The following BEND7 variants were observed in gnomAD, a reference collection of about 807,000 sequenced individuals.
The protein encoded by BEND7 is BEN domain-containing protein 7.
BEND7 carries 28 observed loss-of-function variants against 50.9 expected under a neutral mutation model. The ratio of observed to expected loss-of-function variants is 0.55; its 90% CI spans 0.41 to 0.75. The LOEUF (loss-of-function observed/expected upper bound fraction) is 0.75. BEND7 is among the 30% of genes least tolerant of loss of function. The pLI is 0.00. For synonymous variants in BEND7, 170 were observed against 183.9 expected, an observed-to-expected ratio of 0.92 and a Z score of 0.61; for missense variants, 477 against 491.3, an observed-to-expected ratio of 0.97 and a Z score of 0.28.
intron 6 of BEND7, among the ~76,000 whole-genome samples, chr10:13,478,694 G>A (rs1014865902): frequency 3.3e-5 from 5 of 151,792 alleles, no homozygotes; most frequent in Non-Finnish European, 4.4e-5. Flanking sequence ...TTGTAATCAG[G>A]AAAAAAATCA....
intron 1 of BEND7, 141 bp downstream of exon 1, chr10:13,528,327 GGCCCT>G (rs1564433091): frequency 2.7e-5 from 5 of 185,586 alleles, no homozygotes; most frequent in Non-Finnish European, 5.0e-5. Context: ...GTGCGGCCGC[GGCCCT>G]GCCTGCCAGC....
In BEND7 at chr10:13,517,246, AT is replaced by A. The variant is rs34167765; in HGVS notation, c.145+8891del. 7.7e-3 allele frequency among the ~76,000 whole-genome samples: 1,138 copies of A among 147,006 alleles called. 8 individuals carry two copies. Among genetic ancestry groups the A allele is most frequent in the Middle Eastern group, 0.031 (9 of 288 alleles). On this transcript the variant is annotated intron_variant, in intron 2 of 8. Coordinates refer to ENST00000466271, the MANE Select transcript of BEND7 (RefSeq NM_001369863.1). ...GCTAATTTTTGTATTTTTTTGTAGA[AT>A]TTTTTTTTTTGCAGAAGAGTGGTAA...
upstream of BEND7, among the ~76,000 whole-genome samples, chr10:13,529,254 T>TCCGCTCGCAGACC (rs1480924688): frequency 3.3e-5 from 5 of 149,580 alleles, no homozygotes; most frequent in Admixed American, 2.7e-4. Context: ...CGCCCGGGCC[T>TCCGCTCGCAGACC]CCGCTCGCAG....
chr10:13,469,257 A>G (rs1588761247), intron 6 of BEND7, among the ~76,000 whole-genome samples: 1 of 152,204 alleles, frequency 6.6e-6, no homozygotes, highest in Non-Finnish European at 1.5e-5. Context: ...AACCAAGAGC[A>G]GGATGCAAGA....
At chr10:13,491,135 A>T (rs2076626509) in intron 5 of BEND7, among the ~76,000 whole-genome samples, 1 of 152,060 alleles carries the variant, frequency 6.6e-6, no homozygotes, top group African/African-American at 2.4e-5. Flanking sequence ...TTATTCTTCC[A>T]AGACAATCAA....
At chr10:13,525,405 T>A (rs1368199826) in intron 2 of BEND7, among the ~76,000 whole-genome samples, 2 of 152,188 alleles carry the variant, frequency 1.3e-5, no homozygotes, top group African/African-American at 4.8e-5. Flanking sequence ...CTACACTTGC[T>A]GGAAAGTCTC....
chr10:13,504,653 G>A (rs1018250461), intron 2 of BEND7, among the ~76,000 whole-genome samples: 1 of 152,216 alleles, frequency 6.6e-6, no homozygotes, highest in Non-Finnish European at 1.5e-5. Flanking sequence ...GCTCTCTAGC[G>A]AGACAGGATG....
In BEND7 at chr10:13,518,563, G is replaced by A. The variant is rs775253309; in HGVS notation, c.145+7575C>T. ...TTTCTAAAGCTGTACCTGTGTTAGA[G>A]CAGAATAAGGAACAAGCAGAACAAA... On this transcript the variant is annotated intron_variant, in intron 2 of 8. Transcript: ENST00000466271. Among the ~76,000 whole-genome samples the A allele has an allele frequency of 8.4e-4, 128 of 152,218 alleles. 1 individual carries two copies. Among genetic ancestry groups the A allele is most frequent in the Admixed American group, 1.5e-3 (23 of 15,290 alleles).
intron 2 of BEND7, among the ~76,000 whole-genome samples, chr10:13,512,865 G>T (rs939365690): frequency 6.6e-6 from 1 of 152,170 alleles, no homozygotes; most frequent in Non-Finnish European, 1.5e-5. Flanking sequence ...GATAACTTGG[G>T]CCCCAAGGGA....
intron 2 of BEND7, among the ~76,000 whole-genome samples, chr10:13,504,083 A>G (rs975614319): frequency 1.3e-5 from 2 of 152,206 alleles, no homozygotes; most frequent in Admixed American, 1.3e-4. Context: ...GGTGGGGCAG[A>G]GGATCAGAAA....
intron 2 of BEND7, among the ~76,000 whole-genome samples, chr10:13,504,232 A>C (rs911135043): frequency 2.0e-5 from 3 of 152,200 alleles, no homozygotes; most frequent in African/African-American, 7.2e-5. Context: ...AGTGTGGGAC[A>C]GGACAGGCTG....
intron 1 of BEND7, chr10:13,527,853 C>G: frequency 1.0e-6 from 1 of 983,910 alleles, no homozygotes; most frequent in Non-Finnish European, 1.2e-6. Flanking sequence ...CCTGTTAATT[C>G]GTCAGAAACT....
At chr10:13,524,572 A>C (rs2079305672) in intron 2 of BEND7, among the ~76,000 whole-genome samples, 1 of 142,772 alleles carries the variant, frequency 7.0e-6, no homozygotes, top group South Asian at 2.3e-4. Flanking sequence ...TGAACCTGGG[A>C]GGCAGGGGTT....
chr10:13,514,988 TATAAAA>T (rs2078559409), intron 2 of BEND7, among the ~76,000 whole-genome samples: 2 of 152,244 alleles, frequency 1.3e-5, no homozygotes, highest in African/African-American at 4.8e-5. Context: ...CAACTTTTTC[TATAAAA>T]ATAAATTGTT....
intron 6 of BEND7, among the ~76,000 whole-genome samples, chr10:13,461,873 G>A (rs919863822): frequency 6.6e-6 from 1 of 152,284 alleles, no homozygotes; most frequent in East Asian, 1.9e-4. Flanking sequence ...TGCAGAATGA[G>A]TTTGAAAGGA....
intron 6 of BEND7, among the ~76,000 whole-genome samples, chr10:13,473,949 C>T (rs1212078353): frequency 1.3e-5 from 2 of 151,524 alleles, no homozygotes; most frequent in East Asian, 1.9e-4. Flanking sequence ...ATATTGTCAT[C>T]GCTGTTAGAC....
chr10:13,462,559 G>T (rs1471944674), intron 6 of BEND7, among the ~76,000 whole-genome samples: 6 of 152,140 alleles, frequency 3.9e-5, no homozygotes, highest in African/African-American at 1.4e-4. Context: ...TCAAAGGACA[G>T]GTTAATCAAT....
chr10:13,489,301 A>G (rs1411393335), intron 5 of BEND7, among the ~76,000 whole-genome samples: 1 of 152,198 alleles, frequency 6.6e-6, no homozygotes, highest in Non-Finnish European at 1.5e-5. Context: ...TCCAAGTAAA[A>G]AGAAACAACT....
At chr10:13,481,147 T>G (rs1184180627) in intron 5 of BEND7, 23 bp from the exon 6 acceptor site, 1 of 1,608,720 alleles carries the variant, frequency 6.2e-7, no homozygotes, top group African/African-American at 1.3e-5. Flanking sequence ...CACAGATATT[T>G]CATTAAAAGC....
Sources: allele counts gnomAD v4.1 joint callset (sites outside exome capture counted in the v4.1 genomes callset), GRCh38; gene constraint gnomAD v4.1.1; transcripts MANE v1.5; gene names NCBI Gene and HGNC (gene_info 2026-07-23, HGNC 2026-07-21).